The following NOD2 variants were observed in gnomAD, a reference collection of about 807,000 sequenced individuals.
NOD2 encodes the protein nucleotide-binding oligomerization domain-containing protein 2.
NOD2 carries 86 observed loss-of-function variants against 90.9 expected under a neutral mutation model. That is an observed-to-expected ratio of 0.95 (90% CI 0.79 to 1.13). NOD2 has a LOEUF of 1.13. Ranked by LOEUF, NOD2 falls within the 50% of genes most tolerant of loss-of-function variation. The pLI, the probability that NOD2 is intolerant of heterozygous loss-of-function variation, is 0.00. For missense variants in NOD2, 1,238 were observed against 1,283.8 expected (o/e 0.96, Z 0.55); for synonymous variants, 581 against 554.6 (o/e 1.05, Z -0.67).
At chr16:50,696,970 C>T (rs8046608) in intron 1 of NOD2, among the ~76,000 whole-genome samples, 3,314 of 152,288 alleles carry the variant, frequency 0.022, 115 homozygotes, top group African/African-American at 0.076. Flanking sequence ...CCTGTCCCCT[C>T]GTGAATGTGT....
In NOD2 at chr16:50,699,569, G is replaced by C. The variant is rs950712918; in HGVS notation, c.74G>C (p.Gly25Ala). The C allele has an allele frequency of 6.2e-7, 1 of 1,614,086 alleles. No homozygotes were observed. The highest frequency in any genetic ancestry group is 8.5e-7 in the Non-Finnish European group (1 of 1,179,982). ...VELLVSGSLE[G>A]FESVLDWLLS... Reference sequence around the variant, plus strand: ...CTGCTGGTCTCAGGGTCCCTGGAAGGCTTCGAGAGTGTCCTGGACTGGCTG... The same window carrying C: ...CTGCTGGTCTCAGGGTCCCTGGAAGCCTTCGAGAGTGTCCTGGACTGGCTG... The change falls in exon 2 of 12, where the codon GGC becomes GCC. Residue 25 changes from glycine to alanine, a missense_variant. Physicochemically the swap from Gly to Ala is moderately conservative, Grantham distance 60. Transcript: ENST00000647318.
At chr16:50,728,451 C>A in intron 10 of NOD2, 2 of 210,908 alleles carry the variant, frequency 9.5e-6, no homozygotes, top group East Asian at 1.3e-4. Flanking sequence ...TTTTCATAGT[C>A]TAAAATAAAT....
Position 50,715,202 on chromosome 16 carries a change from C to T in NOD2, c.2382-1385C>T, listed in dbSNP as rs182095235. Among the ~76,000 whole-genome samples, 30 of 152,320 alleles carry T rather than the reference C, an allele frequency of 2.0e-4. No homozygotes were observed. The East Asian group carries it at 2.3e-3, about 12-fold the overall frequency. On this transcript the variant is annotated intron_variant, in intron 4 of 11. Coordinates refer to ENST00000647318, the MANE Select transcript of NOD2 (RefSeq NM_001370466.1). ...CCGTACAACCTTGGCAAAGTCACTT[C>T]GCTTGTCTGTGCCTCAGTTTCTTTC...
In NOD2 at chr16:50,699,972, T is replaced by G. The variant is rs750418992; in HGVS notation, c.459+18T>G. The G allele has an allele frequency of 1.3e-6, 2 of 1,597,652 alleles. No homozygotes were observed. The highest frequency in any genetic ancestry group is 1.7e-6 in the Non-Finnish European group (2 of 1,175,998). ...CCCAGAGGGTGAGGCACTCCTGGTGTGCATCACAGAGTTCTCAGGAAAGGG... is the reference window on the plus strand; with the variant it reads ...CCCAGAGGGTGAGGCACTCCTGGTGGGCATCACAGAGTTCTCAGGAAAGGG... On this transcript the variant is annotated intron_variant, in intron 2 of 11. Coordinates refer to ENST00000647318, the MANE Select transcript of NOD2 (RefSeq NM_001370466.1).
intron 9 of NOD2, among the ~76,000 whole-genome samples, chr16:50,723,872 C>G (rs1965174589): frequency 6.6e-6 from 1 of 152,158 alleles, no homozygotes; most frequent in South Asian, 2.1e-4. Context: ...GTTACTACTA[C>G]TATTACTGCT....
In NOD2 at chr16:50,723,403, C is replaced by T. The variant is rs1459767549; in HGVS notation, c.2801+19C>T. ...AACTCTGGTGAGTTTGGGGGATTCT[C>T]TGCTCTGGGGAAGTGGATCACAATC... On this transcript the variant is annotated intron_variant, in intron 9 of 11. Coordinates refer to ENST00000647318, the MANE Select transcript of NOD2 (RefSeq NM_001370466.1). The T allele has an allele frequency of 1.2e-6, 2 of 1,609,216 alleles. No individual in the cohort carries two copies. Among genetic ancestry groups the T allele is most frequent in the Admixed American group, 1.7e-5 (1 of 59,998 alleles).
In NOD2 at chr16:50,732,333, A is replaced by AGAT; in HGVS notation, c.*514_*515insGAT. On this transcript the variant is annotated 3_prime_UTR_variant, in exon 12 of 12. Coordinates refer to ENST00000647318, the MANE Select transcript of NOD2 (RefSeq NM_001370466.1). ...TCTCTGGTTCCTCCCCTCCTCCTGGACTCCTGCACACGCTCCTTCCTCTGA... is the reference window on the plus strand; with the variant it reads ...TCTCTGGTTCCTCCCCTCCTCCTGGAGATCTCCTGCACACGCTCCTTCCTCTGA... 1.7e-5 allele frequency: 3 copies of AGAT among 178,356 alleles called. No individual in the cohort carries two copies. The highest frequency in any genetic ancestry group is 1.1e-4 in the Admixed American group (2 of 18,486). 11.0% of individuals were successfully genotyped at this position (178,356 alleles called of 1,614,324 possible).
intron 2 of NOD2, among the ~76,000 whole-genome samples, chr16:50,700,968 G>T (rs1324356455): frequency 6.6e-6 from 1 of 152,190 alleles, no homozygotes; most frequent in Non-Finnish European, 1.5e-5. Flanking sequence ...GAGTATTTTT[G>T]AAACTCTTTT....
chr16:50,697,399 G>T (rs1027246184), intron 1 of NOD2: 7 of 1,264,484 alleles, frequency 5.5e-6, no homozygotes, highest in Admixed American at 2.0e-5. Context: ...CCAGGCCTGG[G>T]GTCAGATGGG....
intron 8 of NOD2, 51 bp downstream of exon 8, chr16:50,722,756 G>A (rs753158544): frequency 6.6e-7 from 1 of 1,516,708 alleles, no homozygotes; most frequent in Non-Finnish European, 9.2e-7. Flanking sequence ...CAGGTGAAGA[G>A]GGAGGAGCTG....
intron 2 of NOD2, among the ~76,000 whole-genome samples, chr16:50,704,656 C>T (rs1333440227): frequency 2.0e-5 from 3 of 152,042 alleles, no homozygotes; most frequent in Non-Finnish European, 4.4e-5. Context: ...TCCTCAGCCT[C>T]CTGAGCAGCT....
At chr16:50,723,962 T>C (rs1423661694) in intron 9 of NOD2, among the ~76,000 whole-genome samples, 2 of 152,164 alleles carry the variant, frequency 1.3e-5, no homozygotes, top group Non-Finnish European at 2.9e-5. Flanking sequence ...TTTAAAGTGA[T>C]TTTGAGTTCC....
At chr16:50,728,406 G>T in intron 10 of NOD2, 1 of 286,622 alleles carries the variant, frequency 3.5e-6, no homozygotes, top group Non-Finnish European at 6.9e-6. Flanking sequence ...ATTCAAATAA[G>T]AAAATTGCTT....
At chr16:50,729,589 A>C (rs571054633) in intron 10 of NOD2, among the ~76,000 whole-genome samples, 8 of 152,212 alleles carry the variant, frequency 5.3e-5, no homozygotes, top group Non-Finnish European at 1.2e-4. Context: ...GGGAGTGGCT[A>C]CTTAATTTGA....
In NOD2 at chr16:50,710,912, G is replaced by C. The variant is rs104895461; in HGVS notation, c.920G>C (p.Arg307Pro). The C allele has an allele frequency of 3.1e-6, 5 of 1,614,020 alleles. No individual in the cohort carries two copies. The highest frequency in any genetic ancestry group is 4.2e-6 in the Non-Finnish European group (5 of 1,180,042). The change falls in exon 4 of 12, where the codon CGG (arginine) becomes CCG (proline). Residue 307 changes from arginine (R) to proline (P), a missense_variant. By Grantham distance (103) the Arg-to-Pro change is moderately radical. This residue lies in a region of NOD2 where 567 missense variants were observed against 577.3 expected (regional missense o/e 0.98). Transcript: ENST00000647318. ...EFLFVFPFSC[R>P]QLQCMAKPLS... ...CTCTTTGTCTTCCCATTCAGCTGCC[G>C]GCAGCTGCAGTGCATGGCCAAACCA...
chr16:50,699,688 G>T lies in NOD2; in HGVS notation c.193G>T (p.Val65Phe), dbSNP rs187264529. The T allele has an allele frequency of 9.9e-6, 16 of 1,614,034 alleles. No individual in the cohort carries two copies. Among genetic ancestry groups the T allele is most frequent in the Non-Finnish European group, 1.3e-5 (15 of 1,180,040 alleles). The stretch of plus-strand genomic sequence containing the variant: ...CTTGGCCAGGCGCCTTCTGGACACC[G>T]TCTGGAATAAGGGTACTTGGGCCTG... ...SHLARRLLDT[V>F]WNKGTWACQK... The change falls in exon 2 of 12, where the codon GTC becomes TTC. Residue 65 changes from valine to phenylalanine, a missense_variant. Physicochemically the swap from Val to Phe is conservative, Grantham distance 50 (BLOSUM62 -1). This residue lies in a region of NOD2 where 567 missense variants were observed against 577.3 expected (regional missense o/e 0.98). Coordinates refer to ENST00000647318, the MANE Select transcript of NOD2 (RefSeq NM_001370466.1).
At chr16:50,695,165 G>T (rs995060985) in intron 1 of NOD2, among the ~76,000 whole-genome samples, 1 of 151,730 alleles carries the variant, frequency 6.6e-6, no homozygotes, top group Non-Finnish European at 1.5e-5. Flanking sequence ...TCATGGGGGG[G>T]GTGGGGTAAG....
chr16:50,710,044 C>T, intron 3 of NOD2: 1 of 455,982 alleles, frequency 2.2e-6, no homozygotes, highest in Non-Finnish European at 4.4e-6. Flanking sequence ...GACTGGGCTC[C>T]TGAGCCCTTA....
At chr16:50,721,522 C>A (rs1025116751) in intron 7 of NOD2, among the ~76,000 whole-genome samples, 1 of 151,926 alleles carries the variant, frequency 6.6e-6, no homozygotes, top group South Asian at 2.1e-4. Flanking sequence ...GAAAGGGTCT[C>A]ACTCTGTCAC....
Sources: gnomAD v4.1 joint callset for allele counts (sites outside exome capture counted in the v4.1 genomes callset) on GRCh38, gnomAD v4.1.1 for gene constraint, gnomAD v4.1.1 regional missense constraint, MANE v1.5 for transcripts, NCBI Gene and HGNC (gene_info 2026-07-23, HGNC 2026-07-21) for gene names.